The following THSD7B variants were observed in gnomAD, a reference collection of about 807,000 sequenced individuals.
THSD7B encodes thrombospondin type-1 domain-containing protein 7B.
A neutral mutation model predicts 213.6 loss-of-function variants in THSD7B; 138 were observed. That is an observed-to-expected ratio of 0.65 (90% CI 0.56 to 0.74). The LOEUF (loss-of-function observed/expected upper bound fraction) is 0.74, where lower values mean the gene tolerates loss of function less well. THSD7B is among the 30% of genes least tolerant of loss of function. The probability of loss-of-function intolerance (pLI) is 0.00; values close to 1 mark genes in which losing one functional copy is unlikely to be tolerated. For missense variants in THSD7B, 1,931 were observed against 1,991.5 expected, an observed-to-expected ratio of 0.97 and a Z score of 0.58; for synonymous variants, 742 against 687.0, an observed-to-expected ratio of 1.08 and a Z score of -1.25.
At chr2:137,123,240 A>C (rs1688574188) in intron 5 of THSD7B, among the ~76,000 whole-genome samples, 1 of 152,144 alleles carries the variant, frequency 6.6e-6, no homozygotes, top group South Asian at 2.1e-4. Context: ...GTAGCAGCTG[A>C]GAGGCTGGAT....
chr2:136,859,558 A>C (rs1352800790), intron 1 of THSD7B, among the ~76,000 whole-genome samples: 1 of 152,180 alleles, frequency 6.6e-6, no homozygotes, highest in African/African-American at 2.4e-5. Flanking sequence ...CCTAGAGATG[A>C]GTTCCAAGGA....
chr2:137,417,233 T>C (rs1686818379), intron 14 of THSD7B, among the ~76,000 whole-genome samples: 1 of 152,194 alleles, frequency 6.6e-6, no homozygotes, highest in Admixed American at 6.5e-5. Flanking sequence ...TATTAATGTA[T>C]TTAGAAAGTT....
chr2:137,228,838 T>C (rs1469819), intron 7 of THSD7B, among the ~76,000 whole-genome samples: 67,667 of 152,026 alleles, frequency 0.45, 15,329 homozygotes, highest in African/African-American at 0.53. Flanking sequence ...TCTAGAAAGA[T>C]AAGTAACAGT....
intron 2 of THSD7B, among the ~76,000 whole-genome samples, chr2:136,996,197 G>A (rs1685884425): frequency 6.6e-6 from 1 of 152,154 alleles, no homozygotes; most frequent in African/African-American, 2.4e-5. Flanking sequence ...TGTGCACTAA[G>A]CTAGCAGACT....
At chr2:137,028,337 G>A (rs1424967242) in intron 2 of THSD7B, among the ~76,000 whole-genome samples, 1 of 152,166 alleles carries the variant, frequency 6.6e-6, no homozygotes, top group African/African-American at 2.4e-5. Context: ...AAAACTGGGT[G>A]TGAAGAAAAT....
At chr2:136,945,306 C>T (rs942098925) in intron 2 of THSD7B, among the ~76,000 whole-genome samples, 10 of 152,110 alleles carry the variant, frequency 6.6e-5, no homozygotes, top group Admixed American at 2.0e-4. Flanking sequence ...TTGGTTCTTG[C>T]GCCATGGTTG....
intron 12 of THSD7B, among the ~76,000 whole-genome samples, chr2:137,351,855 C>A (rs1428782297): frequency 1.3e-5 from 2 of 151,936 alleles, no homozygotes; most frequent in African/African-American, 4.8e-5. Flanking sequence ...TGCACTAAAT[C>A]AAGCTTGTTC....
At chr2:137,006,087 G>A (rs768200782) in intron 2 of THSD7B, among the ~76,000 whole-genome samples, 10 of 152,044 alleles carry the variant, frequency 6.6e-5, no homozygotes, top group Non-Finnish European at 1.3e-4. Context: ...AATTCCATCT[G>A]AGCTGTTTTA....
chr2:137,328,446 C>CT (rs1224015878), intron 12 of THSD7B, among the ~76,000 whole-genome samples: 1 of 152,056 alleles, frequency 6.6e-6, no homozygotes, highest in African/African-American at 2.4e-5. Flanking sequence ...GATAATTATC[C>CT]TTTTATTTTT....
At chr2:137,161,447 C>T (rs547437644) in intron 6 of THSD7B, among the ~76,000 whole-genome samples, 163 of 152,312 alleles carry the variant, frequency 1.1e-3, no homozygotes, top group African/African-American at 3.5e-3. Context: ...TCACTGCTTA[C>T]TGCTACATTC....
At chr2:137,619,969 A>G (rs1682486346) in intron 19 of THSD7B, among the ~76,000 whole-genome samples, 1 of 152,122 alleles carries the variant, frequency 6.6e-6, no homozygotes, top group Non-Finnish European at 1.5e-5. Context: ...CTAGAGCAGA[A>G]TTTTTTATTA....
chr2:137,367,895 A>G (rs1685456744), intron 12 of THSD7B, among the ~76,000 whole-genome samples: 1 of 152,084 alleles, frequency 6.6e-6, no homozygotes, highest in Admixed American at 6.6e-5. Context: ...ATCTAACCTT[A>G]TTTATCACCC....
chr2:137,289,988 G>C (rs1401878647), intron 12 of THSD7B, among the ~76,000 whole-genome samples: 1 of 151,898 alleles, frequency 6.6e-6, no homozygotes. Context: ...GGGCAATGTG[G>C]AAGAAAGATA....
At chr2:137,518,393 G>C (rs1278970201) in intron 15 of THSD7B, among the ~76,000 whole-genome samples, 1 of 152,182 alleles carries the variant, frequency 6.6e-6, no homozygotes, top group East Asian at 1.9e-4. Context: ...TGTGCACTTT[G>C]CATGGAAGGA....
chr2:136,787,818 C>T (rs1359319802), intron 1 of THSD7B, among the ~76,000 whole-genome samples: 2 of 122,890 alleles, frequency 1.6e-5, no homozygotes, highest in African/African-American at 6.0e-5. Context: ...CCAAGCAGAA[C>T]TTTTAAGAGC....
At chr2:136,961,681 G>A (rs1685222600) in intron 2 of THSD7B, among the ~76,000 whole-genome samples, 1 of 152,144 alleles carries the variant, frequency 6.6e-6, no homozygotes, top group Non-Finnish European at 1.5e-5. Flanking sequence ...TTAGCTTTAT[G>A]TTTGAAGAAG....
At chr2:137,187,534 A>G (rs1680573860) in intron 7 of THSD7B, among the ~76,000 whole-genome samples, 1 of 152,166 alleles carries the variant, frequency 6.6e-6, no homozygotes, top group Admixed American at 6.6e-5. Flanking sequence ...TCAATGCACA[A>G]TGAGTTGCAC....
At chr2:136,995,895 G>A (rs1685876375) in intron 2 of THSD7B, among the ~76,000 whole-genome samples, 1 of 152,178 alleles carries the variant, frequency 6.6e-6, no homozygotes, top group African/African-American at 2.4e-5. Flanking sequence ...AATGAGGACA[G>A]GGTACATGTC....
At chr2:137,564,063 C>T (rs1681180052) in intron 16 of THSD7B, among the ~76,000 whole-genome samples, 1 of 152,100 alleles carries the variant, frequency 6.6e-6, no homozygotes, top group African/African-American at 2.4e-5. Flanking sequence ...GCAGAAGTTA[C>T]AATATTTATA....
Sources: gnomAD v4.1 joint callset for allele counts (sites outside exome capture counted in the v4.1 genomes callset) on GRCh38, gnomAD v4.1.1 for gene constraint, MANE v1.5 for transcripts, NCBI Gene and HGNC (gene_info 2026-07-23, HGNC 2026-07-21) for gene names.